The following GLG1 variants were observed in gnomAD, a reference collection of about 807,000 sequenced individuals.
GLG1 encodes golgi glycoprotein 1.
A neutral mutation model predicts 160.5 loss-of-function variants in GLG1; 38 were observed. The ratio of observed to expected loss-of-function variants is 0.24; its 90% CI spans 0.18 to 0.31. The LOEUF (loss-of-function observed/expected upper bound fraction) is 0.31, where lower values mean the gene tolerates loss of function less well. Among genes scored for constraint, GLG1 ranks in the 10% least tolerant of loss-of-function variants. GLG1 has a pLI of 1.00. For missense variants in GLG1, 1,373 were observed against 1,505.2 expected (o/e 0.91, Z 1.45); for synonymous variants, 644 against 543.4 (o/e 1.19, Z -2.57).
chr16:74,502,014 C>A (rs1248847747), intron 4 of GLG1, among the ~76,000 whole-genome samples: 1 of 152,208 alleles, frequency 6.6e-6, no homozygotes, highest in Non-Finnish European at 1.5e-5. Context: ...AGACAATACA[C>A]AGCAAGAAAC....
chr16:74,587,951 C>A (rs933851894), intron 1 of GLG1, among the ~76,000 whole-genome samples: 1 of 152,116 alleles, frequency 6.6e-6, no homozygotes, highest in Non-Finnish European at 1.5e-5. Flanking sequence ...ACACCCAAAT[C>A]AAACGTCTAT....
rs991293707 is a variant in GLG1, at chr16:74,595,507, C to T, written c.438+11150G>A. 3.3e-5 allele frequency among the ~76,000 whole-genome samples: 5 copies of T among 151,534 alleles called. No homozygotes were observed. In the East Asian group the frequency reaches 5.9e-4, roughly 18 times the overall value. ...AGCCAAGATCGCGCCACTGCACTCC[C>T]GCCTGGGCGACAGAGCAAGACTCCG... is the stretch of plus-strand genomic sequence containing the variant. On this transcript the variant is annotated intron_variant, in intron 1 of 25. Coordinates refer to ENST00000422840, the MANE Select transcript of GLG1 (RefSeq NM_001145667.2).
At chr16:74,575,217 G>C (rs2018967961) in intron 1 of GLG1, among the ~76,000 whole-genome samples, 1 of 151,922 alleles carries the variant, frequency 6.6e-6, no homozygotes, top group Non-Finnish European at 1.5e-5. Context: ...CTGCACTCCA[G>C]CCTAGGCCAC....
chr16:74,501,542 G>A (rs963698222), intron 4 of GLG1, among the ~76,000 whole-genome samples: 1 of 152,186 alleles, frequency 6.6e-6, no homozygotes, highest in African/African-American at 2.4e-5. Flanking sequence ...CATACATGGA[G>A]GTGACAATTC....
chr16:74,485,913 T>C lies in GLG1; in HGVS notation c.1454A>G (p.Gln485Arg). 1 of 1,610,186 alleles carries C rather than the reference T, an allele frequency of 6.2e-7. No individual in the cohort carries two copies. Among genetic ancestry groups the C allele is most frequent in the Non-Finnish European group, 8.5e-7 (1 of 1,178,098 alleles). ...AGGGTCAGTCTCCTGAATCAGTGTT[T>C]GAAGCTGAATTAAAATAAATTAAGA... ...NLGMNCQQAL[Q>R]TLIQETDPGA... Residue 485 changes from glutamine (Q) to arginine (R), a missense_variant, in exon 9 of 26, where the codon CAA becomes CGA. By Grantham distance (43) the Gln-to-Arg change is conservative (BLOSUM62 1). Around this residue, in one of 4 missense-constraint regions of GLG1, gnomAD observed 386 missense variants for 388.5 expected, o/e 0.99. Transcript: ENST00000422840.
intron 1 of GLG1, among the ~76,000 whole-genome samples, chr16:74,595,807 T>A (rs1046043820): frequency 5.9e-5 from 9 of 152,058 alleles, no homozygotes; most frequent in Non-Finnish European, 1.3e-4. Flanking sequence ...TATATCGAAA[T>A]TTTTTTTAAG....
chr16:74,509,156 A>C (rs2016717377), intron 2 of GLG1, among the ~76,000 whole-genome samples: 1 of 147,858 alleles, frequency 6.8e-6, no homozygotes, highest in African/African-American at 2.5e-5. Context: ...GTTTTTACTA[A>C]AGGACAATTT....
chr16:74,596,421 C>T (rs767056855), intron 1 of GLG1, among the ~76,000 whole-genome samples: 41 of 151,732 alleles, frequency 2.7e-4, no homozygotes, highest in Non-Finnish European at 3.2e-4. Context: ...CCCAGCTACT[C>T]GGGAAGCTGA....
chr16:74,452,451 T>G lies in GLG1; in HGVS notation c.*716A>C. On this transcript the variant is annotated 3_prime_UTR_variant, in exon 26 of 26. Coordinates refer to ENST00000422840, the MANE Select transcript of GLG1 (RefSeq NM_001145667.2). ...TGCCCTTGTCTAGGAAGGCTCATGC[T>G]TTGCTTCAATGAAGCGAGGAGACCA... 1 of 1,103,778 alleles carries G rather than the reference T, an allele frequency of 9.1e-7. No homozygotes were observed. Among genetic ancestry groups the G allele is most frequent in the Non-Finnish European group, 1.1e-6 (1 of 899,014 alleles). 68.4% of individuals were successfully genotyped at this position (1,103,778 alleles called of 1,614,324 possible).
At chr16:74,595,933 G>C (rs1958290443) in intron 1 of GLG1, among the ~76,000 whole-genome samples, 1 of 152,056 alleles carries the variant, frequency 6.6e-6, no homozygotes, top group Non-Finnish European at 1.5e-5. Context: ...AGATCAGCCT[G>C]GCCAACATGG....
chr16:74,474,581 C>G lies in GLG1; in HGVS notation c.2017G>C (p.Asp673His), dbSNP rs138346895. The change falls in exon 13 of 26, where the codon GAT becomes CAT. Residue 673 changes from aspartate to histidine, a missense_variant. By Grantham distance (81) the Asp-to-His change is moderately conservative. Transcript: ENST00000422840. ...AACTCAGTGAGGTTGCCAACTATATCTCTACACTCCACCACCAAGTCATCC... is the reference window on the plus strand; with the variant it reads ...AACTCAGTGAGGTTGCCAACTATATGTCTACACTCCACCACCAAGTCATCC... Reference protein sequence around the residue: ...HLDDLVVECRDIVGNLTELES... With the variant: ...HLDDLVVECRHIVGNLTELES... 3.7e-5 allele frequency: 59 copies of G among 1,585,256 alleles called. No homozygotes were observed. The Admixed American group carries it at 4.5e-4, about 12-fold the overall frequency.
rs561354267 is a variant in GLG1, at chr16:74,491,429, T to A, written c.1235-214A>T. ...AGGCTTCTCCTGTCACTGTTCTGCATGAAACAGGTTTTATACTACTGCACT... is the reference window on the plus strand; with the variant it reads ...AGGCTTCTCCTGTCACTGTTCTGCAAGAAACAGGTTTTATACTACTGCACT... On this transcript the variant is annotated intron_variant, in intron 7 of 25. Transcript: ENST00000422840. Among the ~76,000 whole-genome samples the A allele has an allele frequency of 7.2e-5, 11 of 152,314 alleles. No individual in the cohort carries two copies. In the South Asian group the frequency reaches 1.9e-3, roughly 26 times the overall value.
intron 9 of GLG1, among the ~76,000 whole-genome samples, chr16:74,484,885 T>C (rs548301778): frequency 6.6e-6 from 1 of 152,092 alleles, no homozygotes; most frequent in Non-Finnish European, 1.5e-5. Context: ...CCCAAGGTGC[T>C]GGGATTACAG....
intron 22 of GLG1, among the ~76,000 whole-genome samples, chr16:74,460,868 CA>C (rs2014763412): frequency 1.3e-5 from 2 of 152,220 alleles, no homozygotes; most frequent in Non-Finnish European, 2.9e-5. Flanking sequence ...ATACGAAAAG[CA>C]AACGCTTGAC....
chr16:74,452,571 C>T lies in GLG1; in HGVS notation c.*596G>A. ...TGTCTCAGCAGAAGAAAGCAGGACC[C>T]CACACAGCCTGGGGAACGGCTGCCC... On this transcript the variant is annotated 3_prime_UTR_variant, in exon 26 of 26. Transcript: ENST00000422840. 2 of 1,002,390 alleles carry T rather than the reference C, an allele frequency of 2.0e-6. No individual in the cohort carries two copies. Among genetic ancestry groups the T allele is most frequent in the Non-Finnish European group, 2.4e-6 (2 of 839,538 alleles). 62.1% of individuals were successfully genotyped at this position (1,002,390 alleles called of 1,614,324 possible). A position where few individuals can be genotyped will look rare whatever the true frequency, so the allele number is the denominator to read the frequency against.
chr16:74,485,961 G>C, intron 8 of GLG1, 44 bp from the exon 9 acceptor site: 1 of 1,550,474 alleles, frequency 6.4e-7, no homozygotes, highest in Non-Finnish European at 8.9e-7. Flanking sequence ...AGTCACTTAG[G>C]TGCTAGGTAA....
intron 1 of GLG1, among the ~76,000 whole-genome samples, chr16:74,553,722 C>T (rs2018275111): frequency 6.6e-6 from 1 of 152,134 alleles, no homozygotes; most frequent in Non-Finnish European, 1.5e-5. Context: ...ATCCACCCGC[C>T]TCGGCCTCCC....
intron 6 of GLG1, 29 bp from the exon 7 acceptor site, chr16:74,493,169 AG>A: frequency 6.5e-7 from 1 of 1,532,312 alleles, no homozygotes; most frequent in Non-Finnish European, 8.9e-7. Context: ...AACAGCCGTG[AG>A]ACCACTCATG....
rs1275218636 is a variant in GLG1, at chr16:74,597,849, C to G, written c.438+8808G>C. Among the ~76,000 whole-genome samples, 9 of 88,064 alleles carry G rather than the reference C, an allele frequency of 1.0e-4. No individual in the cohort carries two copies. In the East Asian group the frequency reaches 3.7e-3, roughly 37 times the overall value. The allele number at this position is 88,064 out of a possible 152,430, so 57.8% of individuals were successfully genotyped here. The stretch of plus-strand genomic sequence containing the variant: ...AGCCTGGGTGACAAAGTGAGACTGC[C>G]TCAAAAAAAAAAAAAAAAAAGCTGG... On this transcript the variant is annotated intron_variant, in intron 1 of 25. Transcript: ENST00000422840.
Sources: allele counts gnomAD v4.1 joint callset (sites outside exome capture counted in the v4.1 genomes callset), GRCh38; gene constraint gnomAD v4.1.1; regional missense constraint gnomAD v4.1.1; transcripts MANE v1.5; gene names NCBI Gene and HGNC (gene_info 2026-07-23, HGNC 2026-07-21).